Variants in KCNJ1 observed in about 807,000 individuals in gnomAD.
KCNJ1 encodes ATP-sensitive inward rectifier potassium channel 1.
Under a neutral mutation model 21.9 loss-of-function variants are expected in KCNJ1, and 24 were observed. The observed-to-expected ratio is 1.10, with a 90% confidence interval of 0.79 to 1.54. The LOEUF is 1.54. KCNJ1 is among the 40% of genes most tolerant of loss of function. The pLI is 0.00. For synonymous variants in KCNJ1, 152 were observed against 160.9 expected, an observed-to-expected ratio of 0.94 and a Z score of 0.42; for missense variants, 457 against 455.4, an observed-to-expected ratio of 1.00 and a Z score of -0.03.
intron 2 of KCNJ1, among the ~76,000 whole-genome samples, chr11:128,844,632 T>C (rs549113864): frequency 2.0e-5 from 3 of 152,206 alleles, no homozygotes; most frequent in Non-Finnish European, 4.4e-5. Context: ...TGGTCCTTAC[T>C]GAATCTGATG....
At chr11:128,847,605 T>A (rs533605232) in intron 2 of KCNJ1, among the ~76,000 whole-genome samples, 1 of 152,364 alleles carries the variant, frequency 6.6e-6, no homozygotes, top group Non-Finnish European at 1.5e-5. Flanking sequence ...CCAAAGCCAT[T>A]GGTTATCCTA....
intron 1 of KCNJ1, among the ~76,000 whole-genome samples, chr11:128,861,765 T>C (rs1171546113): frequency 1.3e-5 from 2 of 152,074 alleles, no homozygotes; most frequent in Non-Finnish European, 2.9e-5. Context: ...TCCGTGTCTG[T>C]AGAAGTTTGT....
chr11:128,864,913 T>A (rs899620272), intron 1 of KCNJ1, among the ~76,000 whole-genome samples: 13 of 152,042 alleles, frequency 8.6e-5, no homozygotes, highest in African/African-American at 2.9e-4. Context: ...GCAGAGCAAC[T>A]CTTCCACAAT....
chr11:128,861,716 G>A (rs563737492), intron 1 of KCNJ1, among the ~76,000 whole-genome samples: 49 of 152,240 alleles, frequency 3.2e-4, no homozygotes, highest in African/African-American at 1.2e-3. Context: ...CTGTCGGTAA[G>A]CGGCCACCGG....
intron 2 of KCNJ1, among the ~76,000 whole-genome samples, chr11:128,842,754 C>T (rs759245449): frequency 4.6e-5 from 7 of 152,326 alleles, no homozygotes; most frequent in Non-Finnish European, 1.0e-4. Context: ...TGGCCACGCT[C>T]TATCGCTCAC....
At chr11:128,862,130 A>C (rs543809335) in intron 1 of KCNJ1, among the ~76,000 whole-genome samples, 106 of 152,212 alleles carry the variant, frequency 7.0e-4, no homozygotes, top group East Asian at 6.2e-3. Flanking sequence ...CAAGATACTT[A>C]AGGGGCAACT....
At chr11:128,861,247 G>A (rs1943701867) in intron 1 of KCNJ1, among the ~76,000 whole-genome samples, 2 of 152,218 alleles carry the variant, frequency 1.3e-5, no homozygotes, top group Admixed American at 1.3e-4. Flanking sequence ...CGCCCGAGGC[G>A]CTTTTCTGCG....
intron 1 of KCNJ1, among the ~76,000 whole-genome samples, chr11:128,858,699 G>T (rs140024028): frequency 1.3e-5 from 2 of 152,142 alleles, no homozygotes; most frequent in African/African-American, 2.4e-5. Context: ...TTTACGGAGC[G>T]TCTATGTCAC....
intron 1 of KCNJ1, among the ~76,000 whole-genome samples, chr11:128,854,125 G>C (rs1258620766): frequency 6.7e-6 from 1 of 149,296 alleles, no homozygotes; most frequent in Non-Finnish European, 1.5e-5. Flanking sequence ...GCAGCTCCAG[G>C]GTGAAGTCCC....
intron 2 of KCNJ1, among the ~76,000 whole-genome samples, chr11:128,845,067 G>A (rs535891610): frequency 1.1e-4 from 16 of 152,326 alleles, no homozygotes; most frequent in Admixed American, 9.1e-4. Flanking sequence ...TTACTGCTTT[G>A]TCAACAGTCG....
Position 128,846,241 on chromosome 11 carries a change from C to T in KCNJ1, c.-22+4480G>A, listed in dbSNP as rs976794342. 3.9e-5 allele frequency among the ~76,000 whole-genome samples: 6 copies of T among 152,310 alleles called. No homozygotes were observed. In the South Asian group the frequency reaches 1.2e-3, roughly 32 times the overall value. The stretch of plus-strand genomic sequence containing the variant: ...AGCAAACCACTGACCTTTGCTGATA[C>T]AGGTGAGTTTCCTCACCTGTGAAAT... On this transcript the variant is annotated intron_variant, in intron 2 of 2. Coordinates refer to ENST00000392666, the MANE Select transcript of KCNJ1 (RefSeq NM_153766.3).
chr11:128,851,974 G>A (rs1943485117), intron 1 of KCNJ1, among the ~76,000 whole-genome samples: 3 of 152,190 alleles, frequency 2.0e-5, no homozygotes, highest in South Asian at 2.1e-4. Context: ...ACACCTTAGC[G>A]TGTTTGAAGT....
intron 2 of KCNJ1, among the ~76,000 whole-genome samples, chr11:128,848,619 G>A (rs1486062617): frequency 6.6e-6 from 1 of 152,204 alleles, no homozygotes; most frequent in Non-Finnish European, 1.5e-5. Flanking sequence ...CCTGTTCAGA[G>A]TTTTAAAGAG....
Position 128,839,260 on chromosome 11 carries a change from TG to T in KCNJ1, c.983del (p.Thr328LysfsTer23). 3.1e-6 allele frequency: 5 copies of T among 1,614,196 alleles called. No individual in the cohort carries two copies. Among genetic ancestry groups the T allele is most frequent in the Non-Finnish European group, 4.2e-6 (5 of 1,180,024 alleles). On this transcript the variant is annotated frameshift_variant, in exon 3 of 3. Coordinates refer to ENST00000392666, the MANE Select transcript of KCNJ1 (RefSeq NM_153766.3). LOFTEE classifies it high-confidence loss of function. ...YRVDFHNFSKTVEVETPHCAM... is the reference protein window; with the variant it reads ...YRVDFHNFSKXVEVETPHCAM... ...CACAGTGAGGGGTCTCCACTTCCAC[TG>T]TCTTGCTAAAGTTATGGAAATCCAC...
chr11:128,849,573 G>A (rs968190262), intron 2 of KCNJ1, among the ~76,000 whole-genome samples: 3 of 152,194 alleles, frequency 2.0e-5, no homozygotes, highest in African/African-American at 7.2e-5. Flanking sequence ...GGTGTGTGTT[G>A]GAGGAGAAGA....
rs1943260833 is a variant in KCNJ1, at chr11:128,840,234, G to A, written c.10C>T (p.His4Tyr). MFK[H>Y]LRKWVVTRFF... ...CGAGTGACGACCCATTTCCGAAGATGTTTGAACATACTTTCTGTCAACACC... is the reference window on the plus strand; with the variant it reads ...CGAGTGACGACCCATTTCCGAAGATATTTGAACATACTTTCTGTCAACACC... The change falls in exon 3 of 3, where the codon CAT becomes TAT. Residue 4 changes from histidine (H) to tyrosine (Y), a missense_variant. By Grantham distance (83) the His-to-Tyr change is moderately conservative. Coordinates refer to ENST00000392666, the MANE Select transcript of KCNJ1 (RefSeq NM_153766.3). The A allele has an allele frequency of 5.0e-6, 8 of 1,614,132 alleles. No homozygotes were observed. The East Asian group carries it at 1.3e-4, about 27-fold the overall frequency.
intron 2 of KCNJ1, among the ~76,000 whole-genome samples, chr11:128,844,197 A>G (rs1328916041): frequency 6.6e-6 from 1 of 152,218 alleles, no homozygotes; most frequent in Non-Finnish European, 1.5e-5. Context: ...ACTACTAACC[A>G]CACTACAGGG....
chr11:128,861,071 C>T (rs972854611), intron 1 of KCNJ1, among the ~76,000 whole-genome samples: 1 of 152,188 alleles, frequency 6.6e-6, no homozygotes, highest in Admixed American at 6.5e-5. Context: ...GCAGGGCCCA[C>T]GAATGCCCAG....
chr11:128,850,822 G>C lies in KCNJ1; in HGVS notation c.-123C>G. 2 of 985,416 alleles carry C rather than the reference G, an allele frequency of 2.0e-6. No homozygotes were observed. The highest frequency in any genetic ancestry group is 2.4e-6 in the Non-Finnish European group (2 of 829,886). The allele number at this position is 985,416 out of a possible 1,614,324, so 61.0% of individuals were successfully genotyped here. On this transcript the variant is annotated 5_prime_UTR_variant, in exon 2 of 3. Transcript: ENST00000392666. ...GCTTGGTTTGGGATTCCACCTGTGG[G>C]GCTCAGAACTTGTCACACTGTCTTT...
Sources: gnomAD v4.1 joint callset for allele counts (sites outside exome capture counted in the v4.1 genomes callset) on GRCh38, gnomAD v4.1.1 for gene constraint, MANE v1.5 for transcripts, NCBI Gene and HGNC (gene_info 2026-07-23, HGNC 2026-07-21) for gene names.